UIMC1: variants seen among roughly 807,000 people sequenced by gnomAD.
UIMC1 encodes the protein BRCA1-A complex subunit RAP80.
Under a neutral mutation model 84.9 loss-of-function variants are expected in UIMC1, and 42 were observed. That is an observed-to-expected ratio of 0.49 (90% CI 0.39 to 0.64). The LOEUF is 0.64. Ranked by LOEUF, UIMC1 falls within the 30% of genes least tolerant of loss-of-function variation. The pLI, the probability that UIMC1 is intolerant of heterozygous loss-of-function variation, is 0.00. For synonymous variants in UIMC1, 281 were observed against 293.0 expected (o/e 0.96, Z 0.42); for missense variants, 825 against 847.6 (o/e 0.97, Z 0.33).
intron 2 of UIMC1, chr5:176,980,242 C>T (rs1770797851): frequency 6.6e-6 from 1 of 152,158 alleles, no homozygotes; most frequent in Admixed American, 6.5e-5. Flanking sequence ...GCCAATTCCC[C>T]TAATAAATTC....
chr5:176,924,826 G>A (rs1168976420), intron 10 of UIMC1, among the ~76,000 whole-genome samples: 2 of 151,848 alleles, frequency 1.3e-5, no homozygotes, highest in Non-Finnish European at 2.9e-5. Context: ...GGATCACAAG[G>A]TCAGGAGATC....
upstream of UIMC1, among the ~76,000 whole-genome samples, chr5:177,007,425 G>T (rs566161361): frequency 6.6e-6 from 1 of 151,628 alleles, no homozygotes; most frequent in South Asian, 2.1e-4. Flanking sequence ...GTTCAAGGAG[G>T]CCAGCTTCCT....
chr5:176,977,603 G>GAA (rs1180404200), intron 2 of UIMC1, among the ~76,000 whole-genome samples: 2 of 115,642 alleles, frequency 1.7e-5, no homozygotes, highest in Admixed American at 1.7e-4. Flanking sequence ...AAAAAGAAAA[G>GAA]AAAAAAAAAA....
At chr5:176,984,413 C>T (rs1422422988) in intron 1 of UIMC1, among the ~76,000 whole-genome samples, 3 of 143,550 alleles carry the variant, frequency 2.1e-5, no homozygotes, top group Admixed American at 6.9e-5. Context: ...CCGGCCGCCA[C>T]CCCGTCTGGG....
At chr5:176,988,864 A>C (rs1430660247) in intron 1 of UIMC1, among the ~76,000 whole-genome samples, 1 of 151,432 alleles carries the variant, frequency 6.6e-6, no homozygotes, top group Non-Finnish European at 1.5e-5. Context: ...TTGTATTTTT[A>C]GTAGAGATGG....
At chr5:177,022,599 A>AAGCGCGGGGTCCCGCACGGC (rs1329433272) in exon 1 of UIMC1, 10 of 907,578 alleles carry the variant, frequency 1.1e-5, no homozygotes, top group East Asian at 3.2e-5. Flanking sequence ...AAAGCAAAAT[A>AAGCGCGGGGTCCCGCACGGC]AGCGCGGGGT....
chr5:177,010,052 A>C (rs576090529), upstream of UIMC1, among the ~76,000 whole-genome samples: 12 of 152,174 alleles, frequency 7.9e-5, no homozygotes, highest in African/African-American at 2.6e-4. Flanking sequence ...CCAGAAAAAA[A>C]AAATAAGCAA....
At chr5:176,923,890 CACACACACAG>C (rs1762040997) in intron 10 of UIMC1, among the ~76,000 whole-genome samples, 1 of 131,548 alleles carries the variant, frequency 7.6e-6, no homozygotes, top group Non-Finnish European at 1.6e-5. Context: ...TATATATATA[CACACACACAG>C]ACACACACAC....
intron 7 of UIMC1, among the ~76,000 whole-genome samples, chr5:176,956,491 C>T (rs1403854706): frequency 1.3e-5 from 2 of 152,212 alleles, no homozygotes; most frequent in East Asian, 1.9e-4. Context: ...TCCTCTTTAT[C>T]TCAAGATGTT....
intron 1 of UIMC1, among the ~76,000 whole-genome samples, chr5:177,020,984 G>C (rs893649520): frequency 1.3e-5 from 2 of 152,180 alleles, no homozygotes; most frequent in Non-Finnish European, 2.9e-5. Context: ...CAGGTGCAAT[G>C]ACAAGAGACA....
chr5:176,999,844 T>C (rs562639627), intron 1 of UIMC1, among the ~76,000 whole-genome samples: 24 of 152,350 alleles, frequency 1.6e-4, no homozygotes, highest in African/African-American at 4.6e-4. Flanking sequence ...CTATTGTAAA[T>C]AGTGCTACAA....
At chr5:176,982,666 A>G (rs1314782463) in intron 1 of UIMC1, 43 bp from the exon 2 acceptor site, 2 of 1,562,182 alleles carry the variant, frequency 1.3e-6, no homozygotes, top group African/African-American at 2.8e-5. Context: ...TAAAAAGATC[A>G]TAATTTACTT....
At chr5:176,954,645 G>A (rs1024759087) in intron 8 of UIMC1, among the ~76,000 whole-genome samples, 7 of 151,372 alleles carry the variant, frequency 4.6e-5, no homozygotes, top group African/African-American at 1.2e-4. Context: ...CTAGCTACTC[G>A]GGAGGCTGAG....
intron 3 of UIMC1, among the ~76,000 whole-genome samples, chr5:176,973,593 AG>A: frequency 6.6e-6 from 1 of 150,998 alleles, no homozygotes; most frequent in Non-Finnish European, 1.5e-5. Flanking sequence ...AAAAAAAAAA[AG>A]AAAAGAAAAA....
chr5:177,019,627 GAAA>G lies in UIMC1; in HGVS notation c.-9+2834_-9+2836del, dbSNP rs367851922. 1.7e-3 allele frequency among the ~76,000 whole-genome samples: 232 copies of G among 133,988 alleles called. 1 individual carries two copies. Among genetic ancestry groups the G allele is most frequent in the African/African-American group, 6.2e-3 (221 of 35,798 alleles). 87.9% of individuals were successfully genotyped at this position (133,988 alleles called of 152,430 possible). On this transcript the variant is annotated intron_variant, in intron 1 of 5. Transcript: ENST00000509236. ...ACTGCACTAGTGAGACCCTGTCTCG[GAAA>G]AAAAAAAAAAAAAATTGTAGGCTGG...
intron 1 of UIMC1, among the ~76,000 whole-genome samples, chr5:176,994,972 T>C (rs1445152726): frequency 6.6e-6 from 1 of 151,918 alleles, no homozygotes; most frequent in African/African-American, 2.4e-5. Context: ...TGGGGGGCAG[T>C]GTGCTGGGAG....
At chr5:176,964,669 T>C (rs1373553305) in intron 6 of UIMC1, among the ~76,000 whole-genome samples, 4 of 152,198 alleles carry the variant, frequency 2.6e-5, no homozygotes, top group Non-Finnish European at 5.9e-5. Flanking sequence ...ATCTGAACCA[T>C]ACAAAAAATA....
rs548195279 is a variant in UIMC1, at chr5:176,968,843, T to C, written c.912A>G (p.Gln304=). The change falls in exon 6 of 15, where the codon CAA becomes CAG. Residue 304 remains glutamine, a synonymous_variant. Transcript: ENST00000511320. The stretch of plus-strand genomic sequence containing the variant: ...GCCTCTGAGCCATTTTCAGGCTCTT[T>C]TGATAAACCTCCAACTGGCAGAGAA... ...KVILCQLEVY[Q]KSLKMAQRQL... 167 of 1,614,046 alleles carry C rather than the reference T, an allele frequency of 1.0e-4. No homozygotes were observed. The highest frequency in any genetic ancestry group is 1.6e-4 in the Middle Eastern group (1 of 6,084).
At chr5:176,906,162 G>A (rs1759339776) in intron 13 of UIMC1, 115 bp from the exon 14 acceptor site, 19 of 950,304 alleles carry the variant, frequency 2.0e-5, no homozygotes, top group Admixed American at 6.3e-5. Flanking sequence ...GCCTATCCAG[G>A]TAGCACAGAT....
Sources: gnomAD v4.1 joint callset for allele counts (sites outside exome capture counted in the v4.1 genomes callset) on GRCh38, gnomAD v4.1.1 for gene constraint, MANE v1.5 for transcripts, NCBI Gene and HGNC (gene_info 2026-07-23, HGNC 2026-07-21) for gene names.